OSBP2: variants seen among roughly 807,000 people sequenced by gnomAD.
OSBP2 encodes the protein oxysterol-binding protein 2.
In OSBP2, 66 loss-of-function variants were observed where a neutral mutation model predicts 96.0. That is an observed-to-expected ratio of 0.69 (90% CI 0.56 to 0.84). OSBP2 has a LOEUF of 0.84. Ranked by LOEUF, OSBP2 falls within the 40% of genes least tolerant of loss-of-function variation. The pLI, the probability that OSBP2 is intolerant of heterozygous loss-of-function variation, is 0.00. For synonymous variants in OSBP2, 525 were observed against 520.9 expected, an observed-to-expected ratio of 1.01 and a Z score of -0.11; for missense variants, 1,038 against 1,222.7, an observed-to-expected ratio of 0.85 and a Z score of 2.25.
chr22:30,887,689 G>A lies in OSBP2; in HGVS notation c.1300+71G>A, dbSNP rs181438870. On this transcript the variant is annotated intron_variant, in intron 4 of 13. Transcript: ENST00000332585. ...CTGGCTCTGCATACACAACTTCTGC[G>A]CCCCCACATGCACATCCCTGGCTGT... The A allele has an allele frequency of 7.0e-3, 9,016 of 1,288,062 alleles. 51 individuals carry two copies. The highest frequency in any genetic ancestry group is 8.7e-3 in the Non-Finnish European group (8,109 of 935,738). 79.8% of individuals were successfully genotyped at this position (1,288,062 alleles called of 1,614,324 possible). A position where few individuals can be genotyped will look rare whatever the true frequency, so the allele number is the denominator to read the frequency against.
intron 2 of OSBP2, among the ~76,000 whole-genome samples, chr22:30,813,566 T>C (rs1022864005): frequency 6.6e-6 from 1 of 152,076 alleles, no homozygotes; most frequent in East Asian, 1.9e-4. Context: ...TTGCAAGCTA[T>C]ATAGCCATGC....
At chr22:30,796,403 GATATTA>G (rs2090762402) in intron 2 of OSBP2, among the ~76,000 whole-genome samples, 1 of 151,960 alleles carries the variant, frequency 6.6e-6, no homozygotes, top group African/African-American at 2.4e-5. Flanking sequence ...AAATAATTTT[GATATTA>G]AACTCTACTA....
chr22:30,835,718 CTT>C (rs538763182), intron 2 of OSBP2, among the ~76,000 whole-genome samples: 35 of 132,028 alleles, frequency 2.7e-4, no homozygotes, highest in Non-Finnish European at 2.4e-4. Flanking sequence ...TATGTAGTTA[CTT>C]TTTTTTTTTT....
intron 2 of OSBP2, among the ~76,000 whole-genome samples, chr22:30,820,319 T>C (rs2038246953): frequency 6.6e-6 from 1 of 152,016 alleles, no homozygotes; most frequent in Non-Finnish European, 1.5e-5. Context: ...AGCCCAGGCA[T>C]TTGAGTCTGC....
At chr22:30,832,238 G>GTA (rs2038537121) in intron 2 of OSBP2, among the ~76,000 whole-genome samples, 1 of 151,736 alleles carries the variant, frequency 6.6e-6, no homozygotes, top group South Asian at 2.1e-4. Flanking sequence ...ATTGATTTCT[G>GTA]TATATATATG....
chr22:30,769,699 T>C (rs1195360422), intron 2 of OSBP2, among the ~76,000 whole-genome samples: 1 of 151,958 alleles, frequency 6.6e-6, no homozygotes, highest in East Asian at 1.9e-4. Flanking sequence ...ACAGTCTAGG[T>C]GAGAGGGAAG....
rs748136557 is a variant in OSBP2 at position 30,888,365 on chromosome 22, G to T, written c.1418+25G>T. ...GGTAAGGTGGCTGCAGCTGGGCAGA[G>T]CCTCCCCCACCCTGGTCTTAGGCTG... On this transcript the variant is annotated intron_variant, in intron 5 of 13. Coordinates refer to ENST00000332585, the MANE Select transcript of OSBP2 (RefSeq NM_030758.4). 2.9e-6 allele frequency: 4 copies of T among 1,381,842 alleles called. No homozygotes were observed. The East Asian group carries it at 9.1e-5, about 31-fold the overall frequency. 85.6% of individuals were successfully genotyped at this position (1,381,842 alleles called of 1,614,324 possible).
At position 30,832,394 on chromosome 22, in the gene OSBP2, G is replaced by T. The variant is rs918790664; in HGVS notation, c.854-38035G>T. Among the ~76,000 whole-genome samples, 3 of 150,878 alleles carry T rather than the reference G, an allele frequency of 2.0e-5. No individual in the cohort carries two copies. In the East Asian group the frequency reaches 5.8e-4, roughly 29 times the overall value. The stretch of plus-strand genomic sequence containing the variant: ...CAGCCTCGACCTCCCCATCTCAAGC[G>T]ATCCTCCCACCTCAGCCTCCCAAGT... On this transcript the variant is annotated intron_variant, in intron 2 of 13. Coordinates refer to ENST00000332585, the MANE Select transcript of OSBP2 (RefSeq NM_030758.4).
chr22:30,712,696 T>C (rs2089373294), intron 1 of OSBP2, among the ~76,000 whole-genome samples: 1 of 152,152 alleles, frequency 6.6e-6, no homozygotes, highest in South Asian at 2.1e-4. Flanking sequence ...GAAAGTGTAG[T>C]TGCTTTGTCT....
chr22:30,721,615 G>C (rs1055303115), intron 1 of OSBP2, among the ~76,000 whole-genome samples: 5 of 152,166 alleles, frequency 3.3e-5, no homozygotes, highest in African/African-American at 1.2e-4. Context: ...AAGCTTGATG[G>C]GAGTCGCTTT....
chr22:30,738,827 G>T (rs930071760), intron 1 of OSBP2, among the ~76,000 whole-genome samples: 2 of 151,964 alleles, frequency 1.3e-5, no homozygotes, highest in Admixed American at 6.6e-5. Context: ...CTCCCAAAGT[G>T]CTGGGATTAC....
chr22:30,713,231 A>G (rs1449641753), intron 1 of OSBP2, among the ~76,000 whole-genome samples: 5 of 151,846 alleles, frequency 3.3e-5, no homozygotes, highest in Non-Finnish European at 7.4e-5. Flanking sequence ...GGCGCCCGCC[A>G]CCACGCCCGG....
chr22:30,819,625 A>G (rs1367206839), intron 2 of OSBP2, among the ~76,000 whole-genome samples: 2 of 152,218 alleles, frequency 1.3e-5, no homozygotes, highest in Admixed American at 6.5e-5. Context: ...AGAATCTGAT[A>G]GTTTTTTGAT....
chr22:30,784,459 A>G (rs2090560607), intron 2 of OSBP2, among the ~76,000 whole-genome samples: 4 of 152,028 alleles, frequency 2.6e-5, no homozygotes, highest in South Asian at 2.1e-4. Flanking sequence ...AGGTCGTGCT[A>G]TGTTGCCCAG....
intron 2 of OSBP2, among the ~76,000 whole-genome samples, chr22:30,755,172 G>A (rs751816517): frequency 6.6e-5 from 10 of 152,228 alleles, no homozygotes; most frequent in African/African-American, 1.4e-4. Context: ...TGTGTAGGCC[G>A]TGGCCACTAA....
At chr22:30,823,675 G>A (rs930735377) in intron 2 of OSBP2, among the ~76,000 whole-genome samples, 3 of 152,208 alleles carry the variant, frequency 2.0e-5, no homozygotes, top group African/African-American at 4.8e-5. Context: ...ATCCAACCAC[G>A]TGAGTTCTCT....
At chr22:30,734,550 G>A (rs4820899) in intron 1 of OSBP2, among the ~76,000 whole-genome samples, 102,966 of 152,036 alleles carry the variant, frequency 0.68, 35,801 homozygotes, top group African/African-American at 0.83. Context: ...AGGACTCACA[G>A]TGGGAGAAAC....
chr22:30,905,800 A>G (rs984327376), intron 12 of OSBP2, 37 bp from the exon 13 acceptor site: 2 of 1,606,526 alleles, frequency 1.2e-6, no homozygotes. Context: ...TCCGGCTCAC[A>G]CCGCAGCCAC....
intron 2 of OSBP2, among the ~76,000 whole-genome samples, chr22:30,835,222 A>G (rs1456197028): frequency 1.3e-5 from 2 of 152,098 alleles, no homozygotes; most frequent in Non-Finnish European, 2.9e-5. Context: ...ACCATTGTCT[A>G]ATCCAAATTC....
Sources: allele counts gnomAD v4.1 joint callset (sites outside exome capture counted in the v4.1 genomes callset), GRCh38; gene constraint gnomAD v4.1.1; transcripts MANE v1.5; gene names NCBI Gene and HGNC (gene_info 2026-07-23, HGNC 2026-07-21).